KSR2: variants seen among roughly 807,000 people sequenced by gnomAD.
KSR2 encodes kinase suppressor of ras 2.
Under a neutral mutation model 107.8 loss-of-function variants are expected in KSR2, and 25 were observed. That is an observed-to-expected ratio of 0.23 (90% CI 0.17 to 0.32). KSR2 has a LOEUF of 0.32. Ranked by LOEUF, KSR2 falls within the 10% of genes least tolerant of loss-of-function variation. KSR2 has a pLI of 1.00. For synonymous variants in KSR2, 480 were observed against 507.0 expected (o/e 0.95, Z 0.71); for missense variants, 887 against 1,268.9 (o/e 0.70, Z 4.57).
intron 14 of KSR2, among the ~76,000 whole-genome samples, chr12:117,517,206 T>C (rs1013659971): frequency 2.6e-5 from 4 of 152,212 alleles, no homozygotes; most frequent in East Asian, 1.9e-4. Flanking sequence ...AATAAACTTA[T>C]ATTGCGTTAA....
At chr12:117,938,579 T>C (rs1895912739) in intron 1 of KSR2, among the ~76,000 whole-genome samples, 1 of 147,092 alleles carries the variant, frequency 6.8e-6, no homozygotes. Flanking sequence ...AATAAATAAA[T>C]AAATAAAGGC....
At chr12:117,872,654 A>T (rs1439082153) in intron 1 of KSR2, among the ~76,000 whole-genome samples, 1 of 152,194 alleles carries the variant, frequency 6.6e-6, no homozygotes, top group African/African-American at 2.4e-5. Flanking sequence ...CTGTGAAAAC[A>T]CTGAGGACTC....
chr12:117,866,698 G>A (rs968867341), intron 1 of KSR2, among the ~76,000 whole-genome samples: 5 of 151,936 alleles, frequency 3.3e-5, no homozygotes, highest in African/African-American at 7.2e-5. Flanking sequence ...GCATGGTGGC[G>A]CATGCCTGTA....
intron 5 of KSR2, among the ~76,000 whole-genome samples, chr12:117,628,406 G>T (rs1882633384): frequency 1.3e-5 from 2 of 152,036 alleles, no homozygotes; most frequent in Non-Finnish European, 2.9e-5. Context: ...TTTTGTTGAT[G>T]TTTATGCTAT....
At chr12:117,587,743 G>A (rs930242140) in intron 5 of KSR2, among the ~76,000 whole-genome samples, 4 of 152,186 alleles carry the variant, frequency 2.6e-5, no homozygotes, top group African/African-American at 9.6e-5. Context: ...CAAGAAATAA[G>A]AGTCCATGAG....
chr12:117,580,944 G>A (rs1161400954), intron 6 of KSR2, among the ~76,000 whole-genome samples: 1 of 152,108 alleles, frequency 6.6e-6, no homozygotes, highest in Non-Finnish European at 1.5e-5. Flanking sequence ...CAGTCCAGGG[G>A]GCACGGTTGA....
intron 5 of KSR2, among the ~76,000 whole-genome samples, chr12:117,618,776 G>A (rs1381349138): frequency 6.6e-6 from 1 of 152,000 alleles, no homozygotes; most frequent in East Asian, 1.9e-4. Context: ...TGATTGTGAG[G>A]CCTCCCCAGC....
chr12:117,682,200 T>C (rs530615594), intron 4 of KSR2, among the ~76,000 whole-genome samples: 5 of 151,978 alleles, frequency 3.3e-5, no homozygotes, highest in Admixed American at 1.3e-4. Context: ...TTATCACTTA[T>C]AAGTGGGAGC....
chr12:117,963,925 C>T (rs1434514503), intron 1 of KSR2, among the ~76,000 whole-genome samples: 1 of 152,196 alleles, frequency 6.6e-6, no homozygotes, highest in Non-Finnish European at 1.5e-5. Context: ...CCCATCTCCC[C>T]AACCAAGAAG....
At chr12:117,582,210 CACCCCA>C in intron 6 of KSR2, 74 bp downstream of exon 6, 1 of 1,199,310 alleles carries the variant, frequency 8.3e-7, no homozygotes, top group Non-Finnish European at 1.2e-6. Context: ...AGCCTTCTCT[CACCCCA>C]GGGCAGGGGC....
At chr12:117,715,081 CT>C (rs1886927484) in intron 4 of KSR2, among the ~76,000 whole-genome samples, 1 of 152,072 alleles carries the variant, frequency 6.6e-6, no homozygotes, top group Non-Finnish European at 1.5e-5. Flanking sequence ...TGTGTTGCCC[CT>C]GGATACATAA....
At chr12:117,843,188 T>C (rs1232533254) in intron 3 of KSR2, among the ~76,000 whole-genome samples, 1 of 151,824 alleles carries the variant, frequency 6.6e-6, no homozygotes, top group African/African-American at 2.4e-5. Flanking sequence ...GAAAGCAAGG[T>C]AGTTAGACAG....
At chr12:117,924,293 C>CCA (rs1895437534) in intron 1 of KSR2, among the ~76,000 whole-genome samples, 1 of 151,148 alleles carries the variant, frequency 6.6e-6, no homozygotes, top group African/African-American at 2.4e-5. Flanking sequence ...TTAGGCCAGG[C>CCA]ACGGTGGCTC....
At chr12:117,841,664 G>A (rs1333426624) in intron 3 of KSR2, among the ~76,000 whole-genome samples, 1 of 152,174 alleles carries the variant, frequency 6.6e-6, no homozygotes, top group Non-Finnish European at 1.5e-5. Context: ...TCAGAGTTAA[G>A]GAGAAAGCCA....
At position 117,800,518 on chromosome 12, in the gene KSR2, T is replaced by C. The variant is rs115406532; in HGVS notation, c.473-38994A>G. On this transcript the variant is annotated intron_variant, in intron 3 of 19. Coordinates refer to ENST00000339824, the MANE Select transcript of KSR2 (RefSeq NM_173598.6). ...AGAAAAGCAGATTCCAATAGGATAGTGTATTAGTCCATTCTCACATTGCTA... is the reference window on the plus strand; with the variant it reads ...AGAAAAGCAGATTCCAATAGGATAGCGTATTAGTCCATTCTCACATTGCTA... Among the ~76,000 whole-genome samples the C allele has an allele frequency of 7.5e-3, 1,135 of 152,248 alleles. 15 individuals are homozygous for C. The highest frequency in any genetic ancestry group is 0.022 in the African/African-American group (899 of 41,550).
intron 1 of KSR2, among the ~76,000 whole-genome samples, chr12:117,876,107 G>A (rs1433112497): frequency 6.6e-6 from 1 of 152,202 alleles, no homozygotes; most frequent in African/African-American, 2.4e-5. Flanking sequence ...AGGTTCTCGG[G>A]TGAGCAGACC....
intron 3 of KSR2, among the ~76,000 whole-genome samples, chr12:117,827,758 G>A (rs1891812199): frequency 6.6e-6 from 1 of 152,152 alleles, no homozygotes; most frequent in South Asian, 2.1e-4. Context: ...ATGAGGTTTA[G>A]ACTCATTAAA....
intron 1 of KSR2, among the ~76,000 whole-genome samples, chr12:117,874,543 TATC>T (rs1372148307): frequency 6.6e-6 from 1 of 152,124 alleles, no homozygotes. Flanking sequence ...CGATTGTAAA[TATC>T]ATTCTACAGA....
chr12:117,628,892 C>T (rs1882668197), intron 5 of KSR2, among the ~76,000 whole-genome samples: 1 of 152,258 alleles, frequency 6.6e-6, no homozygotes, highest in Admixed American at 6.5e-5. Context: ...TGTTTACCTA[C>T]TCAAGCTTTA....
Sources: allele counts gnomAD v4.1 joint callset (sites outside exome capture counted in the v4.1 genomes callset), GRCh38; gene constraint gnomAD v4.1.1; transcripts MANE v1.5; gene names NCBI Gene and HGNC (gene_info 2026-07-23, HGNC 2026-07-21).